SLC25A48: variants seen among roughly 807,000 people sequenced by gnomAD.
The protein encoded by SLC25A48 is CTC-321K16.1.
A neutral mutation model predicts 32.2 loss-of-function variants in SLC25A48; 29 were observed. The ratio of observed to expected loss-of-function variants is 0.90; its 90% confidence interval spans 0.67 to 1.23. The LOEUF is 1.23. Ranked by LOEUF, SLC25A48 falls within the 50% of genes most tolerant of loss-of-function variation. The probability of loss-of-function intolerance (pLI) is 0.00; values close to 1 mark genes in which losing one functional copy is unlikely to be tolerated. For missense variants in SLC25A48, 399 were observed against 422.7 expected, an observed-to-expected ratio of 0.94 and a Z score of 0.49; for synonymous variants, 164 against 172.3, an observed-to-expected ratio of 0.95 and a Z score of 0.38.
chr5:135,678,583 A>G (rs991240137), intron 3 of SLC25A48, among the ~76,000 whole-genome samples: 2 of 152,092 alleles, frequency 1.3e-5, no homozygotes, highest in African/African-American at 4.8e-5. Flanking sequence ...TGGAGGTATA[A>G]TATTTCCTTT....
intron 1 of SLC25A48, among the ~76,000 whole-genome samples, chr5:135,615,147 A>G (rs563463158): frequency 2.6e-5 from 4 of 152,348 alleles, no homozygotes; most frequent in African/African-American, 9.6e-5. Context: ...GTACTGAGAA[A>G]TAGGGCATTG....
intron 3 of SLC25A48, among the ~76,000 whole-genome samples, chr5:135,786,099 G>C (rs572879128): frequency 6.6e-6 from 1 of 151,374 alleles, no homozygotes; most frequent in South Asian, 2.1e-4. Context: ...GGGTGGGGGA[G>C]GGTGATATTA....
intron 3 of SLC25A48, among the ~76,000 whole-genome samples, chr5:135,795,654 G>T (rs1033925067): frequency 6.6e-6 from 1 of 151,720 alleles, no homozygotes; most frequent in African/African-American, 2.4e-5. Context: ...CCTGTGATAT[G>T]GTTCATAATA....
chr5:135,683,858 C>G (rs1324394621), intron 3 of SLC25A48, among the ~76,000 whole-genome samples: 1 of 152,126 alleles, frequency 6.6e-6, no homozygotes, highest in Non-Finnish European at 1.5e-5. Flanking sequence ...TAGCTTGGAT[C>G]TAGAATGTCC....
chr5:135,847,518 G>C (rs748518025), intron 2 of SLC25A48, among the ~76,000 whole-genome samples: 6 of 152,198 alleles, frequency 3.9e-5, no homozygotes, highest in Non-Finnish European at 7.3e-5. Context: ...AGAAAACTTT[G>C]CAGGTATGAT....
At chr5:135,798,299 C>A (rs1315150838) in intron 3 of SLC25A48, among the ~76,000 whole-genome samples, 1 of 151,830 alleles carries the variant, frequency 6.6e-6, no homozygotes, top group African/African-American at 2.4e-5. Context: ...GATGATATTA[C>A]TCCCAATATC....
At chr5:135,778,331 AG>A (rs371369974) in intron 3 of SLC25A48, among the ~76,000 whole-genome samples, 173 of 151,138 alleles carry the variant, frequency 1.1e-3, no homozygotes, top group African/African-American at 3.8e-3. Context: ...GGAAGGGAGA[AG>A]GTGATATTAC....
At chr5:135,775,760 G>C (rs1309217857) in intron 3 of SLC25A48, among the ~76,000 whole-genome samples, 1 of 151,434 alleles carries the variant, frequency 6.6e-6, no homozygotes, top group Admixed American at 6.6e-5. Context: ...AGTATCACAG[G>C]GCATGTACAC....
chr5:135,852,699 C>A lies in SLC25A48; in HGVS notation c.299C>A (p.Pro100His). ...TGCGGGGAGCCAGAGGCCAGTCCTC[C>A]CCGCACGCTGTCAGACCTGCTCCTG... The part of the protein sequence containing the change: ...HRCGEPEASP[P>H]RTLSDLLLAS... The change falls in exon 4 of 8, where the codon CCC becomes CAC. Residue 100 changes from proline (P) to histidine (H), a missense_variant. Transcript: ENST00000681962. 6.2e-7 allele frequency: 1 copy of A among 1,614,198 alleles called. No homozygotes were observed. The highest frequency in any genetic ancestry group is 8.5e-7 in the Non-Finnish European group (1 of 1,180,038).
intron 3 of SLC25A48, among the ~76,000 whole-genome samples, chr5:135,702,692 C>T (rs531546688): frequency 2.0e-5 from 3 of 152,246 alleles, no homozygotes; most frequent in Non-Finnish European, 4.4e-5. Flanking sequence ...TGGAGATTTT[C>T]AATGCCCAGC....
chr5:135,770,220 T>C (rs1035053457), intron 3 of SLC25A48, among the ~76,000 whole-genome samples: 3 of 151,616 alleles, frequency 2.0e-5, no homozygotes, highest in African/African-American at 7.3e-5. Context: ...CCCCCTGAGA[T>C]ACTGTTCCTA....
At chr5:135,738,228 G>A (rs1461399366) in intron 3 of SLC25A48, among the ~76,000 whole-genome samples, 6 of 152,142 alleles carry the variant, frequency 3.9e-5, no homozygotes, top group South Asian at 2.1e-4. Flanking sequence ...ACTCATTCCC[G>A]TGGCAGGCCC....
chr5:135,883,466 T>C, intron 7 of SLC25A48: 1 of 985,480 alleles, frequency 1.0e-6, no homozygotes, highest in Non-Finnish European at 1.2e-6. Flanking sequence ...ATTGTTTCTC[T>C]GTCAGATGCC....
chr5:135,787,374 G>T lies in SLC25A48; in HGVS notation c.-520-25149G>T, dbSNP rs572741573. ...TGGGTGTAGACCCTGTACCACAGTC[G>T]ATTTACAACCTGTGATATTAGCAGT... On this transcript the variant is annotated intron_variant, in intron 3 of 10. Coordinates refer to the SLC25A48 transcript ENST00000646290. Among the ~76,000 whole-genome samples, 5 of 151,892 alleles carry T rather than the reference G, an allele frequency of 3.3e-5. No homozygotes were observed. The South Asian group carries it at 1.0e-3, about 32-fold the overall frequency.
chr5:135,772,813 A>G (rs901064744), intron 3 of SLC25A48, among the ~76,000 whole-genome samples: 1 of 151,180 alleles, frequency 6.6e-6, no homozygotes, highest in African/African-American at 2.4e-5. Flanking sequence ...GGGTTGTACA[A>G]CCCTCTGTGA....
At chr5:135,662,918 T>C (rs930620132) in intron 3 of SLC25A48, among the ~76,000 whole-genome samples, 4 of 152,120 alleles carry the variant, frequency 2.6e-5, no homozygotes, top group Non-Finnish European at 5.9e-5. Context: ...AGGAGCTCTC[T>C]CCTGGGTTCC....
intron 3 of SLC25A48, among the ~76,000 whole-genome samples, chr5:135,658,964 G>C (rs1002387023): frequency 3.9e-5 from 6 of 152,220 alleles, no homozygotes; most frequent in Non-Finnish European, 8.8e-5. Context: ...TATGCCTCTA[G>C]ACCCGTGATG....
chr5:135,761,183 C>T (rs551623293), intron 3 of SLC25A48, among the ~76,000 whole-genome samples: 9 of 152,056 alleles, frequency 5.9e-5, no homozygotes, highest in African/African-American at 1.4e-4. Flanking sequence ...GGCATGGTGG[C>T]GCACCTGTAG....
chr5:135,688,285 A>G (rs1754065289), intron 3 of SLC25A48, among the ~76,000 whole-genome samples: 1 of 152,104 alleles, frequency 6.6e-6, no homozygotes, highest in Non-Finnish European at 1.5e-5. Context: ...ACCAATGGAT[A>G]TTTGGATTGC....
Sources: gnomAD v4.1 joint callset for allele counts (sites outside exome capture counted in the v4.1 genomes callset) on GRCh38, gnomAD v4.1.1 for gene constraint, MANE v1.5 for transcripts, NCBI Gene and HGNC (gene_info 2026-07-23, HGNC 2026-07-21) for gene names.